Variants in TNRC18 observed in about 807,000 individuals in gnomAD.
TNRC18 encodes the protein trinucleotide repeat-containing gene 18 protein.
TNRC18 carries 69 observed loss-of-function variants against 226.7 expected under a neutral mutation model. The ratio of observed to expected loss-of-function variants is 0.30; its 90% confidence interval spans 0.25 to 0.37. The LOEUF is 0.37. Ranked by LOEUF, TNRC18 falls within the 10% of genes least tolerant of loss-of-function variation. The pLI is 1.00. For missense variants in TNRC18, 4,754 were observed against 4,256.6 expected (o/e 1.12, Z -3.25); for synonymous variants, 2,449 against 1,927.6 (o/e 1.27, Z -7.09).
chr7:5,421,276 C>A lies in TNRC18; in HGVS notation c.-30G>T, dbSNP rs779540633. 6.5e-5 allele frequency: 83 copies of A among 1,273,482 alleles called. No homozygotes were observed. In the East Asian group the frequency reaches 2.3e-3, roughly 36 times the overall value. The allele number at this position is 1,273,482 out of a possible 1,614,324, so 78.9% of individuals were successfully genotyped here. On this transcript the variant is annotated 5_prime_UTR_variant, in exon 2 of 30. Transcript: ENST00000430969. ...CGCGGGAGTGCCGCGATCAGCCCCCCACCCGGCCCGCAGGCCTAGCTCAGT... is the reference window on the plus strand; with the variant it reads ...CGCGGGAGTGCCGCGATCAGCCCCCAACCCGGCCCGCAGGCCTAGCTCAGT...
At chr7:5,343,819 T>G (rs1790904660) in intron 18 of TNRC18, among the ~76,000 whole-genome samples, 2 of 152,218 alleles carry the variant, frequency 1.3e-5, no homozygotes, top group South Asian at 4.1e-4. Flanking sequence ...TTAAACGTAA[T>G]TTTATATGCA....
intron 4 of TNRC18, chr7:5,390,122 G>A (rs920414778): frequency 7.2e-6 from 3 of 414,330 alleles, no homozygotes; most frequent in African/African-American, 6.2e-5. Context: ...CCAGCACTTT[G>A]GAAAGCCGAG....
chr7:5,339,119 G>A (rs891961665), intron 18 of TNRC18, among the ~76,000 whole-genome samples: 8 of 151,556 alleles, frequency 5.3e-5, no homozygotes, highest in Admixed American at 4.0e-4. Flanking sequence ...GCAACAGAGC[G>A]AGACCTCTTC....
intron 17 of TNRC18, among the ~76,000 whole-genome samples, chr7:5,351,510 G>A (rs1791812039): frequency 6.6e-6 from 1 of 151,908 alleles, no homozygotes; most frequent in Non-Finnish European, 1.5e-5. Context: ...GGGAGGGGGA[G>A]GAGGGCAGGG....
intron 10 of TNRC18, among the ~76,000 whole-genome samples, chr7:5,372,053 C>T (rs1214002101): frequency 1.3e-5 from 2 of 148,506 alleles, no homozygotes; most frequent in South Asian, 2.2e-4. Flanking sequence ...ATAAGCATGA[C>T]CCACCGCGCC....
chr7:5,406,180 T>G (rs1490039310), intron 2 of TNRC18, among the ~76,000 whole-genome samples: 1 of 152,152 alleles, frequency 6.6e-6, no homozygotes, highest in African/African-American at 2.4e-5. Context: ...CAACAAATAC[T>G]AGGGCCAGGT....
At chr7:5,363,800 T>C (rs529885090) in intron 11 of TNRC18, among the ~76,000 whole-genome samples, 1 of 151,990 alleles carries the variant, frequency 6.6e-6, no homozygotes, top group African/African-American at 2.4e-5. Context: ...TGAATATGCA[T>C]AGCTCTTATA....
At chr7:5,351,763 G>A (rs746514425) in intron 17 of TNRC18, 56 bp downstream of exon 17, 8 of 1,498,108 alleles carry the variant, frequency 5.3e-6, no homozygotes, top group African/African-American at 1.4e-5. Flanking sequence ...TCGCTCACTC[G>A]CACGCACTCT....
At chr7:5,381,190 C>T (rs1779374790) in intron 5 of TNRC18, among the ~76,000 whole-genome samples, 1 of 152,134 alleles carries the variant, frequency 6.6e-6, no homozygotes, top group Non-Finnish European at 1.5e-5. Context: ...ATGTGGTTGG[C>T]CTCTGAAGAG....
At chr7:5,347,355 T>A (rs1406118423) in intron 17 of TNRC18, among the ~76,000 whole-genome samples, 2 of 127,146 alleles carry the variant, frequency 1.6e-5, no homozygotes, top group Non-Finnish European at 3.1e-5. Context: ...CCAGGCTAAT[T>A]TTTTTTTTTT....
chr7:5,356,512 G>A (rs911399757), intron 16 of TNRC18, among the ~76,000 whole-genome samples: 3 of 152,272 alleles, frequency 2.0e-5, no homozygotes, highest in Non-Finnish European at 4.4e-5. Context: ...GTCACCTCTA[G>A]GACCCTCAAG....
At chr7:5,405,709 C>T (rs1781420558) in intron 2 of TNRC18, among the ~76,000 whole-genome samples, 1 of 152,230 alleles carries the variant, frequency 6.6e-6, no homozygotes, top group African/African-American at 2.4e-5. Context: ...TACCACTGCA[C>T]TCCAAGCCTG....
chr7:5,357,304 A>C lies in TNRC18; in HGVS notation c.4834-28T>G, dbSNP rs1447223878. The stretch of plus-strand genomic sequence containing the variant: ...GGAGAGGGAAGGTGGGTCATGGGTT[A>C]AAAGATCTGACAAAACAGTATAGTG... On this transcript the variant is annotated intron_variant, in intron 15 of 29. Coordinates refer to ENST00000430969, the MANE Select transcript of TNRC18 (RefSeq NM_001080495.3). The C allele has an allele frequency of 2.5e-6, 4 of 1,587,256 alleles. No homozygotes were observed. In the Admixed American group the frequency reaches 7.1e-5, roughly 28 times the overall value.
intron 12 of TNRC18, 60 bp from the exon 13 acceptor site, chr7:5,362,093 C>T: frequency 6.3e-7 from 1 of 1,582,698 alleles, no homozygotes; most frequent in East Asian, 2.3e-5. Context: ...ACGACGCCCA[C>T]CGCCCACCCA....
intron 15 of TNRC18, among the ~76,000 whole-genome samples, chr7:5,358,598 G>A (rs1792700252): frequency 6.6e-6 from 1 of 152,188 alleles, no homozygotes; most frequent in African/African-American, 2.4e-5. Flanking sequence ...CAGATCACCT[G>A]AGGTCAGGAG....
At chr7:5,349,925 G>A (rs907774995) in intron 17 of TNRC18, among the ~76,000 whole-genome samples, 14 of 143,926 alleles carry the variant, frequency 9.7e-5, no homozygotes, top group African/African-American at 3.0e-4. Flanking sequence ...GGCCTCCCCC[G>A]CCTCCCCTCA....
Position 5,345,739 on chromosome 7 carries a change from T to A in TNRC18, c.5542A>T (p.Arg1848Trp). Residue 1848 changes from arginine to tryptophan, a missense_variant, in exon 18 of 30, where the codon AGG becomes TGG. By Grantham distance (101) the Arg-to-Trp change is moderately radical. Transcript: ENST00000430969. ...AGGGCCCGCTCCCGGGCACCCAGCC[T>A]GTAGCCACCACCGCTGGCCTCGTCC... ...EEDEASGGGYRLGARERALSP... is the reference protein window; with the variant it reads ...EEDEASGGGYWLGARERALSP... The A allele has an allele frequency of 6.5e-7, 1 of 1,548,558 alleles. No homozygotes were observed. Among genetic ancestry groups the A allele is most frequent in the Non-Finnish European group, 8.7e-7 (1 of 1,146,808 alleles).
At chr7:5,310,519 G>A (rs1057171238) in intron 27 of TNRC18, among the ~76,000 whole-genome samples, 1 of 152,148 alleles carries the variant, frequency 6.6e-6, no homozygotes, top group African/African-American at 2.4e-5. Context: ...ACAGGTGTGA[G>A]CCACTGCGCC....
intron 9 of TNRC18, among the ~76,000 whole-genome samples, chr7:5,374,715 G>A (rs1453049741): frequency 6.6e-6 from 1 of 152,236 alleles, no homozygotes; most frequent in East Asian, 1.9e-4. Context: ...TGGGGGTGAG[G>A]AGCTCTGGTG....
Sources: allele counts gnomAD v4.1 joint callset (sites outside exome capture counted in the v4.1 genomes callset), GRCh38; gene constraint gnomAD v4.1.1; transcripts MANE v1.5; gene names NCBI Gene and HGNC (gene_info 2026-07-23, HGNC 2026-07-21).